Variants in GABRG2 observed in about 807,000 individuals in gnomAD.
GABRG2 encodes gamma-aminobutyric acid receptor subunit gamma-2.
GABRG2 carries 16 observed loss-of-function variants against 56.4 expected under a neutral mutation model. The ratio of observed to expected loss-of-function variants is 0.28; its 90% confidence interval spans 0.19 to 0.43. The LOEUF is 0.43. Among genes scored for constraint, GABRG2 ranks in the 20% least tolerant of loss-of-function variants. The pLI is 1.00. For missense variants in GABRG2, 327 were observed against 582.7 expected (o/e 0.56, Z 4.52); for synonymous variants, 208 against 205.5 (o/e 1.01, Z -0.10).
At chr5:162,080,304 A>G (rs1342034747) in intron 1 of GABRG2, among the ~76,000 whole-genome samples, 2 of 152,158 alleles carry the variant, frequency 1.3e-5, no homozygotes, top group Non-Finnish European at 2.9e-5. Context: ...TTTACTTTGC[A>G]TATACTGGCC....
chr5:162,101,489 G>T, intron 5 of GABRG2, 172 bp downstream of exon 5: 1 of 642,190 alleles, frequency 1.6e-6, no homozygotes, highest in Non-Finnish European at 2.8e-6. Context: ...CTCCGATTAG[G>T]GTGATTCCTG....
chr5:162,143,176 T>C (rs1246565683), intron 7 of GABRG2, among the ~76,000 whole-genome samples: 1 of 152,192 alleles, frequency 6.6e-6, no homozygotes, highest in Non-Finnish European at 1.5e-5. Flanking sequence ...ATTAACAACA[T>C]GGAAACAAAA....
chr5:162,145,996 G>A (rs2113617403), intron 7 of GABRG2, among the ~76,000 whole-genome samples: 1 of 151,114 alleles, frequency 6.6e-6, no homozygotes, highest in East Asian at 1.9e-4. Context: ...ATATTTATTA[G>A]GATTTTACAA....
At chr5:162,132,647 G>A (rs901031609) in intron 6 of GABRG2, among the ~76,000 whole-genome samples, 2 of 152,014 alleles carry the variant, frequency 1.3e-5, no homozygotes, top group Admixed American at 1.3e-4. Context: ...CACCTCTGTA[G>A]ATCCCATTTT....
intron 1 of GABRG2, among the ~76,000 whole-genome samples, chr5:162,091,110 T>C (rs1299807194): frequency 6.6e-6 from 1 of 152,108 alleles, no homozygotes; most frequent in Admixed American, 6.6e-5. Flanking sequence ...AAAAAGTTCA[T>C]TTATTTATAA....
In GABRG2 at chr5:162,098,039, T is replaced by C. The variant is rs1761128917; in HGVS notation, c.548+181T>C. ...ATTAGTTTTTTCTTTTTGTTATCAATGAGCTTTTTCAAAGCACTAATTATA... is the reference window on the plus strand; with the variant it reads ...ATTAGTTTTTTCTTTTTGTTATCAACGAGCTTTTTCAAAGCACTAATTATA... On this transcript the variant is annotated intron_variant, in intron 4 of 9. Coordinates refer to ENST00000639213, the MANE Select transcript of GABRG2 (RefSeq NM_198904.4). 2.3e-5 allele frequency: 14 copies of C among 612,328 alleles called. No individual in the cohort carries two copies. The South Asian group carries it at 2.8e-4, about 12-fold the overall frequency. The allele number at this position is 612,328 out of a possible 1,614,324, so 37.9% of individuals were successfully genotyped here.
chr5:162,106,257 A>C (rs747990679), intron 6 of GABRG2, among the ~76,000 whole-genome samples: 1 of 152,328 alleles, frequency 6.6e-6, no homozygotes, highest in Admixed American at 6.5e-5. Flanking sequence ...TTTCACACTG[A>C]GTACCATCAT....
At chr5:162,085,807 C>T (rs547286711) in intron 1 of GABRG2, among the ~76,000 whole-genome samples, 1 of 152,000 alleles carries the variant, frequency 6.6e-6, no homozygotes, top group Non-Finnish European at 1.5e-5. Flanking sequence ...TTAGCTCCCA[C>T]TTATAAGTAA....
Position 162,095,748 on chromosome 5 carries a change from G to A in GABRG2, c.327+186G>A, listed in dbSNP as rs146204439. On this transcript the variant is annotated intron_variant, in intron 3 of 9. Coordinates refer to ENST00000639213, the MANE Select transcript of GABRG2 (RefSeq NM_198904.4). ...ATAATTAAATGTTAAGTATTTTTAT[G>A]AGAATTAAATGGGACCATATATATA... Among the ~76,000 whole-genome samples, 42 of 152,088 alleles carry A rather than the reference G, an allele frequency of 2.8e-4. No individual in the cohort carries two copies. The East Asian group carries it at 7.4e-3, about 27-fold the overall frequency.
chr5:162,125,036 G>T lies in GABRG2; in HGVS notation c.770-17128G>T, dbSNP rs182827195. ...TATCAAAAACAGAATAGAATGAAAGGTTTCTCAGCTTAGATGATGTCTCTT... is the reference window on the plus strand; with the variant it reads ...TATCAAAAACAGAATAGAATGAAAGTTTTCTCAGCTTAGATGATGTCTCTT... On this transcript the variant is annotated intron_variant, in intron 6 of 9. Transcript: ENST00000639213. Among the ~76,000 whole-genome samples the T allele has an allele frequency of 2.0e-3, 305 of 150,244 alleles. 2 individuals are homozygous for T. Among genetic ancestry groups the T allele is most frequent in the African/African-American group, 7.1e-3 (291 of 40,938 alleles).
chr5:162,072,712 T>G (rs1758772861), intron 1 of GABRG2, among the ~76,000 whole-genome samples: 1 of 151,866 alleles, frequency 6.6e-6, no homozygotes, highest in South Asian at 2.1e-4. Flanking sequence ...CAAACACACA[T>G]ACACAGACAC....
intron 1 of GABRG2, among the ~76,000 whole-genome samples, chr5:162,069,982 T>A (rs1758540757): frequency 6.6e-6 from 1 of 152,158 alleles, no homozygotes; most frequent in African/African-American, 2.4e-5. Context: ...TAAACAGTTG[T>A]CTAACTTAAT....
Position 162,143,682 on chromosome 5 carries a change from G to A in GABRG2, c.922+1366G>A, listed in dbSNP as rs536027532. ...ATATGGGTTTGACATCACACATTTA[G>A]GATAACATTAGAATGTCATTTAATC... On this transcript the variant is annotated intron_variant, in intron 7 of 9. Transcript: ENST00000639213. 2.0e-5 allele frequency among the ~76,000 whole-genome samples: 3 copies of A among 152,206 alleles called. No homozygotes were observed. The South Asian group carries it at 6.2e-4, about 32-fold the overall frequency.
intron 6 of GABRG2, among the ~76,000 whole-genome samples, chr5:162,139,965 G>A (rs1764434985): frequency 6.6e-6 from 1 of 152,050 alleles, no homozygotes; most frequent in African/African-American, 2.4e-5. Context: ...GTTAATAGAG[G>A]TCATCTCAAA....
intron 7 of GABRG2, among the ~76,000 whole-genome samples, chr5:162,143,102 T>C (rs1764702492): frequency 6.6e-6 from 1 of 152,184 alleles, no homozygotes; most frequent in Admixed American, 6.5e-5. Flanking sequence ...ATTGTGTTTA[T>C]CTCTTCCCAA....
chr5:162,080,706 T>C (rs897384498), intron 1 of GABRG2, among the ~76,000 whole-genome samples: 17 of 152,132 alleles, frequency 1.1e-4, no homozygotes, highest in African/African-American at 3.9e-4. Flanking sequence ...AGGGTTGCGT[T>C]TTACCTGCCA....
intron 7 of GABRG2, among the ~76,000 whole-genome samples, chr5:162,144,875 A>T (rs1764840874): frequency 6.6e-6 from 1 of 152,156 alleles, no homozygotes; most frequent in Non-Finnish European, 1.5e-5. Flanking sequence ...TCACTAGAGG[A>T]CTTTTTGAAG....
rs748041632 is a variant in GABRG2, at chr5:162,153,215, T to C, written c.1275T>C (p.Phe425=). ...ECLDGKDCAS[F]FCCFEDCRTG... The stretch of plus-strand genomic sequence containing the variant: ...TGGACGGCAAGGACTGTGCCAGTTT[T>C]TTCTGCTGTTTTGAAGATTGTCGAA... Residue 425 remains phenylalanine, a synonymous_variant, in exon 10 of 10, where the codon TTT becomes TTC. Transcript: ENST00000639213. 6.2e-7 allele frequency: 1 copy of C among 1,614,082 alleles called. No homozygotes were observed. Among genetic ancestry groups the C allele is most frequent in the Admixed American group, 1.7e-5 (1 of 60,008 alleles).
At position 162,153,351 on chromosome 5, in the gene GABRG2, T is replaced by C. The variant is rs757781259; in HGVS notation, c.1411T>C (p.Ser471Pro). Residue 471 changes from serine to proline, a missense_variant, in exon 10 of 10, where the codon TCC (serine) becomes CCC (proline). Coordinates refer to ENST00000639213, the MANE Select transcript of GABRG2 (RefSeq NM_198904.4). ...FCLFNLVYWV[S>P]YLYL Reference sequence around the variant, plus strand: ...CCTGTTTAATCTGGTCTATTGGGTCTCCTACCTCTACCTGTGAGGAGGTAT... The same window carrying C: ...CCTGTTTAATCTGGTCTATTGGGTCCCCTACCTCTACCTGTGAGGAGGTAT... The C allele has an allele frequency of 6.2e-7, 1 of 1,613,996 alleles. No individual in the cohort carries two copies. The highest frequency in any genetic ancestry group is 8.5e-7 in the Non-Finnish European group (1 of 1,179,906).
Sources: gnomAD v4.1 joint callset for allele counts (sites outside exome capture counted in the v4.1 genomes callset) on GRCh38, gnomAD v4.1.1 for gene constraint, MANE v1.5 for transcripts, NCBI Gene and HGNC (gene_info 2026-07-23, HGNC 2026-07-21) for gene names.